Variants in MBP observed in about 807,000 individuals in gnomAD.
MBP encodes the protein Golli-MBP.
In MBP, 16 loss-of-function variants were observed where a neutral mutation model predicts 35.8. That is an observed-to-expected ratio of 0.45 (90% CI 0.30 to 0.68). MBP has a LOEUF of 0.68. MBP is among the 30% of genes least tolerant of loss of function. The pLI, the probability that MBP is intolerant of heterozygous loss-of-function variation, is 0.08. For synonymous variants in MBP, 143 were observed against 159.6 expected, an observed-to-expected ratio of 0.90 and a Z score of 0.78; for missense variants, 380 against 404.7, an observed-to-expected ratio of 0.94 and a Z score of 0.52.
intron 3 of MBP, chr18:77,017,576 G>A (rs993492735): frequency 1.1e-5 from 3 of 264,180 alleles, no homozygotes; most frequent in African/African-American, 6.6e-5. Flanking sequence ...TTCTTCCCGG[G>A]TGCTGCCATG....
intron 3 of MBP, among the ~76,000 whole-genome samples, chr18:77,019,004 T>TCCATC: frequency 1.2e-5 from 1 of 83,294 alleles, no homozygotes; most frequent in Non-Finnish European, 2.3e-5. Context: ...ATCCATCCAC[T>TCCATC]CATGTATCCA....
intron 2 of MBP, among the ~76,000 whole-genome samples, chr18:77,098,949 A>C (rs1474706444): frequency 2.8e-3 from 240 of 85,634 alleles, no homozygotes; most frequent in Middle Eastern, 4.8e-3. Flanking sequence ...CCTCCTTCTC[A>C]CTCCTCCTTC....
chr18:77,029,243 C>A (rs1972429993), intron 3 of MBP, among the ~76,000 whole-genome samples: 1 of 148,756 alleles, frequency 6.7e-6, no homozygotes, highest in South Asian at 2.2e-4. Flanking sequence ...ACCCCGGCTC[C>A]ACCAAAAAAA....
chr18:77,109,991 A>C (rs1157020712), intron 1 of MBP: 16 of 152,150 alleles, frequency 1.1e-4, no homozygotes. Flanking sequence ...GTTTCTATGG[A>C]GATAACAGGA....
rs1351290421 is a variant in MBP, at chr18:76,988,306, G to A, written c.750+189C>T. On this transcript the variant is annotated intron_variant, in intron 7 of 8. Transcript: ENST00000355994. The surrounding 1 kb of genome is among the most constrained non-coding windows in gnomAD (Gnocchi z 5.2). ...CAGAAGCAAGAGACCAGACCTTCCG[G>A]AAGGGAAGACCACGTTTCATTTCCC... is the stretch of plus-strand genomic sequence containing the variant. 6.4e-7 allele frequency: 1 copy of A among 1,562,258 alleles called. No homozygotes were observed. Among genetic ancestry groups the A allele is most frequent in the Admixed American group, 1.9e-5 (1 of 51,768 alleles).
At chr18:77,019,166 C>T (rs1170453935) in intron 3 of MBP, among the ~76,000 whole-genome samples, 2 of 152,164 alleles carry the variant, frequency 1.3e-5, no homozygotes, top group Admixed American at 6.5e-5. Flanking sequence ...TCCTTGTCCT[C>T]GTGAAACCTA....
chr18:76,985,421 C>G (rs903244645), intron 7 of MBP: 194 of 1,207,170 alleles, frequency 1.6e-4, no homozygotes, highest in Non-Finnish European at 2.0e-4. Context: ...CCCTGTGGTT[C>G]TAGGATCTGT....
At chr18:77,081,497 C>T (rs1441985187) in intron 2 of MBP, among the ~76,000 whole-genome samples, 4 of 152,054 alleles carry the variant, frequency 2.6e-5, no homozygotes, top group African/African-American at 9.7e-5. Flanking sequence ...ATCAAACCAC[C>T]ATGAGATACC....
At chr18:77,032,916 T>C (rs960609281) in intron 3 of MBP, among the ~76,000 whole-genome samples, 1 of 152,218 alleles carries the variant, frequency 6.6e-6, no homozygotes, top group Non-Finnish European at 1.5e-5. Flanking sequence ...CTGAGTTGAA[T>C]TTGGACTTTT....
intron 7 of MBP, chr18:76,985,243 T>TCC: frequency 7.4e-7 from 1 of 1,358,620 alleles, no homozygotes; most frequent in Non-Finnish European, 9.7e-7. Flanking sequence ...TTAGCAAACA[T>TCC]CAAGCAAATC....
In MBP at chr18:76,982,274, G is replaced by A. The variant is rs1568261296; in HGVS notation, c.871-1803C>T. ...CTCTCTATTACGTGTCTTGCAACTTGGAGTCACATGATCTCAGCATCTGAT... is the reference window on the plus strand; with the variant it reads ...CTCTCTATTACGTGTCTTGCAACTTAGAGTCACATGATCTCAGCATCTGAT... On this transcript the variant is annotated intron_variant, in intron 8 of 8. Transcript: ENST00000355994. 3 of 152,330 alleles carry A rather than the reference G, an allele frequency of 2.0e-5. No individual in the cohort carries two copies. The East Asian group carries it at 5.8e-4, about 29-fold the overall frequency. The allele number at this position is 152,330 out of a possible 1,614,324, so 9.4% of individuals were successfully genotyped here. A position where few individuals can be genotyped will look rare whatever the true frequency, so the allele number is the denominator to read the frequency against.
At position 77,125,270 on chromosome 18, in the gene MBP, A is replaced by G. The variant is rs1187239876; in HGVS notation, c.-26+7310T>C. ...CTAACACTTCATTATCGCTGGTGTC[A>G]TTTCCCCCCAAACTTTACATTGGTT... On this transcript the variant is annotated intron_variant, in intron 1 of 8. Transcript: ENST00000355994. 2.0e-5 allele frequency among the ~76,000 whole-genome samples: 3 copies of G among 152,056 alleles called. No homozygotes were observed. The East Asian group carries it at 5.8e-4, about 29-fold the overall frequency.
chr18:77,118,884 CCAGA>C (rs1250599605), intron 1 of MBP, among the ~76,000 whole-genome samples: 2 of 151,386 alleles, frequency 1.3e-5, no homozygotes, highest in South Asian at 4.2e-4. Context: ...TTCACACACA[CCAGA>C]CACACACCAC....
chr18:77,109,051 G>C (rs571695553), intron 1 of MBP: 1 of 152,418 alleles, frequency 6.6e-6, no homozygotes, highest in East Asian at 1.9e-4. Context: ...GCAGGGCTGG[G>C]CAGGGCTAGG....
chr18:77,129,169 A>G (rs1440660829), intron 1 of MBP, among the ~76,000 whole-genome samples: 3 of 152,228 alleles, frequency 2.0e-5, no homozygotes, highest in South Asian at 4.1e-4. Flanking sequence ...GGCCTCACAT[A>G]GGTCTGTTTC....
Position 76,988,338 on chromosome 18 carries a change from A to G in MBP, c.750+157T>C, listed in dbSNP as rs770508083. 6.3e-7 allele frequency: 1 copy of G among 1,598,184 alleles called. No individual in the cohort carries two copies. Among genetic ancestry groups the G allele is most frequent in the Admixed American group, 1.8e-5 (1 of 56,852 alleles). ...AGACCACGTTTCATTTCCCCAGTGG[A>G]AGACAAGGCGGCCCGATCCCAGCTG... On this transcript the variant is annotated intron_variant, in intron 7 of 8. Transcript: ENST00000355994. The surrounding 1 kb of genome is among the most constrained non-coding windows in gnomAD (Gnocchi z 5.2).
At chr18:77,080,586 G>C (rs984542248) in intron 2 of MBP, among the ~76,000 whole-genome samples, 15 of 152,236 alleles carry the variant, frequency 9.9e-5, no homozygotes, top group African/African-American at 3.4e-4. Context: ...CCTTGGTCTA[G>C]ACACAGGAGT....
chr18:77,024,189 G>A (rs1972106659), intron 3 of MBP, among the ~76,000 whole-genome samples: 1 of 152,324 alleles, frequency 6.6e-6, no homozygotes, highest in Middle Eastern at 3.4e-3. Context: ...AGCCCAGGAT[G>A]CCTTTGAACG....
At chr18:77,016,153 G>GT (rs34095806) in intron 4 of MBP, 74,855 of 858,810 alleles carry the variant, frequency 0.087, 2,034 homozygotes, top group African/African-American at 0.29. Flanking sequence ...CCATAGCAGA[G>GT]TTTTTTTTTT....
Sources: gnomAD v4.1 joint callset for allele counts (sites outside exome capture counted in the v4.1 genomes callset) on GRCh38, gnomAD v4.1.1 for gene constraint, Gnocchi (gnomAD v3.1) non-coding constraint, MANE v1.5 for transcripts, NCBI Gene and HGNC (gene_info 2026-07-23, HGNC 2026-07-21) for gene names.